BRWD1: variants seen among roughly 807,000 people sequenced by gnomAD.
BRWD1 encodes the protein bromodomain and WD repeat domain containing 1, also known as bromodomain and WD repeat-containing protein 1.
BRWD1 carries 82 observed loss-of-function variants against 251.2 expected under a neutral mutation model. The observed-to-expected ratio is 0.33, with a 90% CI of 0.27 to 0.39. The LOEUF is 0.39. Among genes scored for constraint, BRWD1 ranks in the 10% least tolerant of loss-of-function variants. BRWD1 has a pLI of 1.00. For missense variants in BRWD1, 2,233 were observed against 2,711.6 expected (o/e 0.82, Z 3.92); for synonymous variants, 918 against 902.8 (o/e 1.02, Z -0.30).
At chr21:39,261,893 TA>T (rs2034762055) in intron 17 of BRWD1, among the ~76,000 whole-genome samples, 1 of 152,200 alleles carries the variant, frequency 6.6e-6, no homozygotes, top group South Asian at 2.1e-4. Context: ...ACTCTACACT[TA>T]ATAGAGTACT....
chr21:39,265,297 C>T (rs1489953101), intron 15 of BRWD1, among the ~76,000 whole-genome samples: 2 of 151,898 alleles, frequency 1.3e-5, no homozygotes, highest in African/African-American at 4.8e-5. Context: ...TGGCAGTGTG[C>T]GTCTGTAGTC....
Position 39,247,843 on chromosome 21 carries a change from G to GA in BRWD1, c.2350-12dup, listed in dbSNP as rs1346494470. 1.9e-6 allele frequency: 3 copies of GA among 1,581,986 alleles called. No homozygotes were observed. Among genetic ancestry groups the GA allele is most frequent in the African/African-American group, 1.4e-5 (1 of 73,366 alleles). ...AACCACTGAATCCGACTGAAACACAGAAAAACATGCGAATGAAAATCAACA... is the reference window on the plus strand; with the variant it reads ...AACCACTGAATCCGACTGAAACACAGAAAAAACATGCGAATGAAAATCAACA... On this transcript the variant is annotated splice_polypyrimidine_tract_variant and intron_variant, in intron 20 of 40. Transcript: ENST00000342449.
At chr21:39,277,163 A>C in intron 11 of BRWD1, 88 bp downstream of exon 11, 2 of 623,000 alleles carry the variant, frequency 3.2e-6, no homozygotes, top group Non-Finnish European at 4.7e-6. Flanking sequence ...AATTAAAAAT[A>C]AAAGTAGAGC....
At chr21:39,301,041 TG>T (rs1205828725) in intron 4 of BRWD1, among the ~76,000 whole-genome samples, 4 of 151,894 alleles carry the variant, frequency 2.6e-5, no homozygotes, top group Admixed American at 2.0e-4. Flanking sequence ...TAGCCAGGCG[TG>T]GTGGCAGGTG....
At chr21:39,312,944 C>T in intron 3 of BRWD1, 44 bp from the exon 4 acceptor site, 1 of 622,816 alleles carries the variant, frequency 1.6e-6, no homozygotes. Context: ...CCCTCCGGCG[C>T]GGGGGGGGCG....
chr21:39,188,116 G>C lies in BRWD1; in HGVS notation c.*8143C>G, dbSNP rs1026113918. The stretch of plus-strand genomic sequence containing the variant: ...GAGGGCTCAGATATGTTTGTTACCA[G>C]TGTCTCAAAGCCAAATTTTCAAATT... On this transcript the variant is annotated 3_prime_UTR_variant, in exon 41 of 41. Transcript: ENST00000342449. The C allele has an allele frequency of 2.0e-6, 2 of 985,288 alleles. No homozygotes were observed. The highest frequency in any genetic ancestry group is 3.5e-5 in the African/African-American group (2 of 57,220). The allele number at this position is 985,288 out of a possible 1,614,324, so 61.0% of individuals were successfully genotyped here. A position where few individuals can be genotyped will look rare whatever the true frequency, so the allele number is the denominator to read the frequency against.
At chr21:39,313,825 C>T (rs1270743501), upstream of BRWD1, 5 of 350,430 alleles carry the variant, frequency 1.4e-5, no homozygotes, top group Non-Finnish European at 2.6e-5. Flanking sequence ...GACCTGGGCG[C>T]CGCAGCAGCG....
At chr21:39,300,339 G>C (rs531854124) in intron 4 of BRWD1, among the ~76,000 whole-genome samples, 2 of 152,316 alleles carry the variant, frequency 1.3e-5, no homozygotes, top group Admixed American at 1.3e-4. Context: ...AGGACGGCAA[G>C]GCAGAGCGAA....
rs2031603307 is a variant in BRWD1 at position 39,192,488 on chromosome 21, A to G, written c.*3771T>C. 2 of 985,258 alleles carry G rather than the reference A, an allele frequency of 2.0e-6. No homozygotes were observed. The highest frequency in any genetic ancestry group is 2.4e-6 in the Non-Finnish European group (2 of 829,806). The allele number at this position is 985,258 out of a possible 1,614,324, so 61.0% of individuals were successfully genotyped here. ...ATATCCACAGCAGAAATTCAGAGGT[A>G]TAACTTCAACATTAACAGGTGAAAA... On this transcript the variant is annotated 3_prime_UTR_variant, in exon 41 of 41. Transcript: ENST00000342449.
At chr21:39,317,659 G>A (rs148499241), upstream of BRWD1, among the ~76,000 whole-genome samples, 3 of 152,368 alleles carry the variant, frequency 2.0e-5, no homozygotes, top group African/African-American at 4.8e-5. Context: ...CACAGCTAGC[G>A]CATCAGAGAG....
intron 4 of BRWD1, among the ~76,000 whole-genome samples, chr21:39,302,104 C>G (rs2036138030): frequency 6.6e-6 from 1 of 150,936 alleles, no homozygotes. Context: ...CTGCCTCAGC[C>G]TCCCAAGTAG....
At chr21:39,261,689 T>G (rs536061796) in intron 17 of BRWD1, among the ~76,000 whole-genome samples, 3 of 150,660 alleles carry the variant, frequency 2.0e-5, no homozygotes, top group Non-Finnish European at 4.4e-5. Flanking sequence ...AAGCAACCAT[T>G]ACATACAAAT....
chr21:39,266,286 GA>G (rs5843955), intron 15 of BRWD1, among the ~76,000 whole-genome samples: 141,719 of 152,136 alleles, frequency 0.93, 66,384 homozygotes, highest in African/African-American at 0.98. Context: ...ACATAAAAAG[GA>G]AAAAAATTGT....
At chr21:39,300,878 C>G (rs552050932) in intron 4 of BRWD1, among the ~76,000 whole-genome samples, 1 of 152,284 alleles carries the variant, frequency 6.6e-6, no homozygotes, top group South Asian at 2.1e-4. Flanking sequence ...TGATATCATA[C>G]CACTTATTCA....
intron 8 of BRWD1, among the ~76,000 whole-genome samples, chr21:39,289,710 C>A (rs1355446587): frequency 6.6e-6 from 1 of 152,174 alleles, no homozygotes; most frequent in Non-Finnish European, 1.5e-5. Flanking sequence ...TGTCTATCAA[C>A]TTCCGTTACT....
intron 38 of BRWD1, among the ~76,000 whole-genome samples, chr21:39,201,672 C>T (rs2032115781): frequency 6.6e-6 from 1 of 152,210 alleles, no homozygotes; most frequent in Admixed American, 6.5e-5. Flanking sequence ...CCTTAAAACA[C>T]TGTACAGTTC....
intron 21 of BRWD1, among the ~76,000 whole-genome samples, chr21:39,240,003 T>C (rs1469682092): frequency 1.3e-5 from 2 of 152,166 alleles, no homozygotes; most frequent in East Asian, 1.9e-4. Context: ...CTTCAGTAGG[T>C]AAACTGATAA....
chr21:39,188,776 C>T lies in BRWD1; in HGVS notation c.*7483G>A. 1 of 985,398 alleles carries T rather than the reference C, an allele frequency of 1.0e-6. No individual in the cohort carries two copies. The highest frequency in any genetic ancestry group is 1.2e-6 in the Non-Finnish European group (1 of 829,906). The allele number at this position is 985,398 out of a possible 1,614,324, so 61.0% of individuals were successfully genotyped here. On this transcript the variant is annotated 3_prime_UTR_variant, in exon 41 of 41. Coordinates refer to ENST00000342449, the MANE Select transcript of BRWD1 (RefSeq NM_033656.4). ...TTAGGAAATACTTTATTCAAAGCAA[C>T]CCCACCACATACACATCAGTTCCTT...
At chr21:39,303,087 A>C (rs774728207) in intron 4 of BRWD1, among the ~76,000 whole-genome samples, 15 of 152,328 alleles carry the variant, frequency 9.8e-5, no homozygotes, top group Non-Finnish European at 1.9e-4. Flanking sequence ...AAGCGACAGG[A>C]TGGTGACAAC....
Sources: gnomAD v4.1 joint callset for allele counts (sites outside exome capture counted in the v4.1 genomes callset) on GRCh38, gnomAD v4.1.1 for gene constraint, MANE v1.5 for transcripts, NCBI Gene and HGNC (gene_info 2026-07-23, HGNC 2026-07-21) for gene names.